Variants in MACROD1 observed in about 807,000 individuals in gnomAD.
MACROD1 encodes the protein mono-ADP ribosylhydrolase 1.
MACROD1 carries 31 observed loss-of-function variants against 41.4 expected under a neutral mutation model. That is an observed-to-expected ratio of 0.75 (90% CI 0.56 to 1.01). The LOEUF (loss-of-function observed/expected upper bound fraction) is 1.01, where lower values mean the gene tolerates loss of function less well. Ranked by LOEUF, MACROD1 falls within the 50% of genes least tolerant of loss-of-function variation. The pLI is 0.00. For synonymous variants in MACROD1, 252 were observed against 203.4 expected, an observed-to-expected ratio of 1.24 and a Z score of -2.03; for missense variants, 473 against 460.0, an observed-to-expected ratio of 1.03 and a Z score of -0.26.
intron 3 of MACROD1, among the ~76,000 whole-genome samples, chr11:64,054,802 G>A (rs995985352): frequency 1.8e-4 from 28 of 151,980 alleles, no homozygotes; most frequent in African/African-American, 6.3e-4. Flanking sequence ...CACTCATCTT[G>A]TCTCCTCAAG....
chr11:64,010,108 G>T (rs1187287669), intron 4 of MACROD1, among the ~76,000 whole-genome samples: 59 of 94,880 alleles, frequency 6.2e-4, no homozygotes, highest in East Asian at 9.4e-4. Context: ...TTGGTTGGGG[G>T]GTTGGCTGGG....
chr11:64,045,388 G>T (rs1016675522), intron 3 of MACROD1, among the ~76,000 whole-genome samples: 2 of 152,242 alleles, frequency 1.3e-5, no homozygotes, highest in African/African-American at 4.8e-5. Flanking sequence ...ACCTGGGCAT[G>T]TTGATAATTT....
chr11:64,123,033 C>G (rs1945123554), intron 3 of MACROD1, among the ~76,000 whole-genome samples: 1 of 152,142 alleles, frequency 6.6e-6, no homozygotes, highest in Admixed American at 6.5e-5. Flanking sequence ...GAGCCTTGCA[C>G]TTATGAAAAA....
chr11:64,002,647 T>C (rs977656390), intron 4 of MACROD1, among the ~76,000 whole-genome samples: 17 of 152,270 alleles, frequency 1.1e-4, no homozygotes, highest in African/African-American at 2.4e-4. Flanking sequence ...CTCTCTCCCC[T>C]GAGAGTGCAG....
intron 3 of MACROD1, among the ~76,000 whole-genome samples, chr11:64,024,594 C>T (rs890428562): frequency 2.0e-5 from 3 of 152,250 alleles, no homozygotes; most frequent in Non-Finnish European, 4.4e-5. Context: ...ATTAGCATAA[C>T]CATAAGCATC....
intron 3 of MACROD1, among the ~76,000 whole-genome samples, chr11:64,149,341 C>G (rs1324272433): frequency 6.6e-6 from 1 of 152,152 alleles, no homozygotes; most frequent in Non-Finnish European, 1.5e-5. Flanking sequence ...GAAACAGAGG[C>G]CTAGGCAAGG....
At chr11:64,076,451 CGGATGGAT>C (rs34046350) in intron 3 of MACROD1, among the ~76,000 whole-genome samples, 1 of 151,794 alleles carries the variant, frequency 6.6e-6, no homozygotes, top group African/African-American at 2.4e-5. Flanking sequence ...GATGGATGGA[CGGATGGAT>C]GGACGGACGG....
chr11:64,048,323 T>G (rs1404509111), intron 3 of MACROD1, among the ~76,000 whole-genome samples: 1 of 152,224 alleles, frequency 6.6e-6, no homozygotes, highest in Non-Finnish European at 1.5e-5. Context: ...CCAGCCTTTG[T>G]GCCAGTGCAC....
Position 64,000,321 on chromosome 11 carries a change from G to C in MACROD1, c.570C>G (p.Ala190=). Residue 190 remains alanine, a synonymous_variant, in exon 5 of 11, where the codon GCC becomes GCG. Transcript: ENST00000255681. ...ACTCGTCGGTAAGCAGGGGGCCGGC[G>C]GCCCGATGAATGCAGCCGTCCACTG... The part of the protein sequence containing the change: ...GGGVDGCIHR[A]AGPLLTDECR... 6.3e-7 allele frequency: 1 copy of C among 1,588,782 alleles called. No individual in the cohort carries two copies.
chr11:64,158,371 G>A (rs1430986703), intron 1 of MACROD1, among the ~76,000 whole-genome samples: 1 of 152,050 alleles, frequency 6.6e-6, no homozygotes, highest in East Asian at 1.9e-4. Flanking sequence ...ACCCATTCTG[G>A]GCCATGATAT....
At chr11:64,035,521 G>C (rs1054583495) in intron 3 of MACROD1, among the ~76,000 whole-genome samples, 1 of 151,766 alleles carries the variant, frequency 6.6e-6, no homozygotes, top group African/African-American at 2.4e-5. Context: ...GTGGAGGTTG[G>C]CTTTGGGAGC....
intron 3 of MACROD1, among the ~76,000 whole-genome samples, chr11:64,043,951 C>T (rs1943536997): frequency 6.6e-6 from 1 of 151,882 alleles, no homozygotes; most frequent in Non-Finnish European, 1.5e-5. Context: ...GTAGCTGGGA[C>T]TACAGGTGCC....
chr11:63,999,767 CG>C lies in MACROD1; in HGVS notation c.665-5del. ...GGCCCCACTGTGTGGATGACGTCTA[CG>C]GGGGGCGACGGGGTCAGACCGGCGG... On this transcript the variant is annotated splice_polypyrimidine_tract_variant and splice_region_variant and intron_variant, in intron 5 of 10. Coordinates refer to ENST00000255681, the MANE Select transcript of MACROD1 (RefSeq NM_014067.4). The C allele has an allele frequency of 1.9e-6, 3 of 1,603,364 alleles. No individual in the cohort carries two copies.
At chr11:64,054,978 C>A (rs947914737) in intron 3 of MACROD1, among the ~76,000 whole-genome samples, 1 of 152,186 alleles carries the variant, frequency 6.6e-6, no homozygotes, top group South Asian at 2.1e-4. Flanking sequence ...TCCTACCAGC[C>A]CTTTCCTACC....
intron 1 of MACROD1, 34 bp from the exon 2 acceptor site, chr11:64,152,427 C>T (rs767644403): frequency 1.3e-6 from 2 of 1,551,608 alleles, no homozygotes; most frequent in Admixed American, 1.7e-5. Flanking sequence ...AGGGTGGGGG[C>T]AGAGGAACGG....
chr11:64,135,102 T>A (rs1385075204), intron 3 of MACROD1, among the ~76,000 whole-genome samples: 4 of 152,240 alleles, frequency 2.6e-5, no homozygotes, highest in African/African-American at 9.6e-5. Flanking sequence ...GAGGGCTTAT[T>A]TTTCACTTAC....
intron 3 of MACROD1, among the ~76,000 whole-genome samples, chr11:64,031,334 C>G (rs1467800375): frequency 6.6e-6 from 1 of 152,198 alleles, no homozygotes; most frequent in East Asian, 1.9e-4. Flanking sequence ...CCAGGGCCCA[C>G]CCTCCTGGTC....
At chr11:64,091,021 A>G (rs1205455379) in intron 3 of MACROD1, among the ~76,000 whole-genome samples, 1 of 136,960 alleles carries the variant, frequency 7.3e-6, no homozygotes, top group Non-Finnish European at 1.6e-5. Flanking sequence ...GAGAAGGGGG[A>G]GGAGGGAGGG....
In MACROD1 at chr11:64,146,563, C is replaced by CT. The variant is rs935152392; in HGVS notation, c.517+4675dup. On this transcript the variant is annotated intron_variant, in intron 3 of 10. Transcript: ENST00000255681. The surrounding 1 kb of genome is among the most constrained non-coding windows in gnomAD (Gnocchi z 4.7). Reference sequence around the variant, plus strand: ...GGGCCCAGGGAGGCCTGCACTGTGCCTGAGGGTGTGGGGGTTTGTTCCGTC... The same window carrying CT: ...GGGCCCAGGGAGGCCTGCACTGTGCCTTGAGGGTGTGGGGGTTTGTTCCGTC... 6.6e-6 allele frequency among the ~76,000 whole-genome samples: 1 copy of CT among 152,180 alleles called. No homozygotes were observed. The highest frequency in any genetic ancestry group is 1.5e-5 in the Non-Finnish European group (1 of 68,028).
Sources: allele counts gnomAD v4.1 joint callset (sites outside exome capture counted in the v4.1 genomes callset), GRCh38; gene constraint gnomAD v4.1.1; non-coding constraint Gnocchi (gnomAD v3.1); transcripts MANE v1.5; gene names NCBI Gene and HGNC (gene_info 2026-07-23, HGNC 2026-07-21).